Variants in SEL1L3 observed in about 807,000 individuals in gnomAD.
SEL1L3 encodes SEL1L family member 3.
A neutral mutation model predicts 142.8 loss-of-function variants in SEL1L3; 76 were observed. The ratio of observed to expected loss-of-function variants is 0.53; its 90% CI spans 0.44 to 0.64. The LOEUF (loss-of-function observed/expected upper bound fraction) is 0.64, where lower values mean the gene tolerates loss of function less well. Among genes scored for constraint, SEL1L3 ranks in the 30% least tolerant of loss-of-function variants. The pLI is 0.00. For missense variants in SEL1L3, 1,262 were observed against 1,381.7 expected, an observed-to-expected ratio of 0.91 and a Z score of 1.37; for synonymous variants, 504 against 519.6, an observed-to-expected ratio of 0.97 and a Z score of 0.41.
At chr4:25,786,668 C>T (rs1711862514) in intron 13 of SEL1L3, among the ~76,000 whole-genome samples, 2 of 152,224 alleles carry the variant, frequency 1.3e-5, no homozygotes, top group Admixed American at 1.3e-4. Flanking sequence ...ATGGACGTGA[C>T]TCATGCATCC....
intron 23 of SEL1L3, among the ~76,000 whole-genome samples, chr4:25,748,795 C>T (rs1056599880): frequency 5.9e-5 from 9 of 152,134 alleles, no homozygotes; most frequent in Admixed American, 1.3e-4. Flanking sequence ...CTCCAAGTGC[C>T]GATGCTCATT....
chr4:25,726,822 G>A, the SEL1L3 span, among the ~76,000 whole-genome samples: 3 of 152,128 alleles, frequency 2.0e-5, no homozygotes, highest in Non-Finnish European at 4.4e-5. Context: ...CTTGTGAGAC[G>A]TGCTACAACA....
chr4:25,850,920 G>A (rs1251375232), intron 1 of SEL1L3, among the ~76,000 whole-genome samples: 3 of 151,234 alleles, frequency 2.0e-5, no homozygotes, highest in Non-Finnish European at 4.4e-5. Context: ...ACGCAATCTC[G>A]GCTCACTGCA....
intron 16 of SEL1L3, chr4:25,778,012 G>T: frequency 2.9e-6 from 1 of 344,540 alleles, no homozygotes; most frequent in South Asian, 2.3e-5. Flanking sequence ...TTAGCTCTTG[G>T]AGCCATACAA....
Position 25,782,380 on chromosome 4 carries a change from G to A in SEL1L3, c.2319C>T (p.Tyr773=). Reference sequence around the variant, plus strand: ...TGGCGTAATTTTTCTTGAATTTGTGGTAATACCATCCCAGGCCATTGACTG... The same window carrying A: ...TGGCGTAATTTTTCTTGAATTTGTGATAATACCATCCCAGGCCATTGACTG... The part of the protein sequence containing the change: ...HQAVNGLGWY[Y]HKFKKNYAKA... Residue 773 remains tyrosine, a synonymous_variant, in exon 15 of 24, where the codon TAC becomes TAT. Transcript: ENST00000399878. 8.1e-6 allele frequency: 13 copies of A among 1,613,790 alleles called. No homozygotes were observed. Among genetic ancestry groups the A allele is most frequent in the Non-Finnish European group, 1.1e-5 (13 of 1,179,772 alleles).
At chr4:25,800,134 A>G (rs1713076491) in intron 11 of SEL1L3, among the ~76,000 whole-genome samples, 1 of 152,214 alleles carries the variant, frequency 6.6e-6, no homozygotes, top group South Asian at 2.1e-4. Context: ...CGCAAAAGAG[A>G]GAATGAAACA....
chr4:25,798,115 G>C (rs1712911251), intron 11 of SEL1L3, among the ~76,000 whole-genome samples: 2 of 152,154 alleles, frequency 1.3e-5, no homozygotes, highest in South Asian at 4.2e-4. Context: ...GAGGTAGCAA[G>C]GAACCAGATC....
intron 11 of SEL1L3, among the ~76,000 whole-genome samples, chr4:25,791,341 A>G (rs1243387464): frequency 6.6e-6 from 1 of 152,236 alleles, no homozygotes; most frequent in Non-Finnish European, 1.5e-5. Flanking sequence ...GAAGAACCCA[A>G]AGGGAAAGTT....
In SEL1L3 at chr4:25,757,806, A is replaced by G. The variant is rs771281623; in HGVS notation, c.3084-16T>C. The stretch of plus-strand genomic sequence containing the variant: ...GCTCCAGCACCTGCAGACAAAGCCC[A>G]GGGCATCTTGACGTGTCAGCCAACT... On this transcript the variant is annotated splice_polypyrimidine_tract_variant and intron_variant, in intron 21 of 23. Transcript: ENST00000399878. 7 of 1,557,794 alleles carry G rather than the reference A, an allele frequency of 4.5e-6. No homozygotes were observed. The East Asian group carries it at 1.4e-4, about 32-fold the overall frequency.
chr4:25,852,394 C>A (rs1279129308), intron 1 of SEL1L3, among the ~76,000 whole-genome samples: 1 of 152,216 alleles, frequency 6.6e-6, no homozygotes, highest in East Asian at 1.9e-4. Context: ...CTAAATTCTG[C>A]TTCCACATGA....
chr4:25,830,197 C>A, intron 5 of SEL1L3, 41 bp from the exon 6 acceptor site: 1 of 1,261,990 alleles, frequency 7.9e-7, no homozygotes, highest in Non-Finnish European at 1.2e-6. Flanking sequence ...TATGCCTCAT[C>A]ACCCTACATT....
the SEL1L3 span, among the ~76,000 whole-genome samples, chr4:25,727,722 T>C: frequency 6.6e-6 from 1 of 152,146 alleles, no homozygotes; most frequent in African/African-American, 2.4e-5. Context: ...GGACAGGGGC[T>C]TCACAAACCA....
chr4:25,798,490 C>G (rs576757083), intron 11 of SEL1L3, among the ~76,000 whole-genome samples: 1 of 152,230 alleles, frequency 6.6e-6, no homozygotes, highest in South Asian at 2.1e-4. Flanking sequence ...CAGTGGTGAA[C>G]TTGGCCTGAG....
At chr4:25,726,806 T>G in the SEL1L3 span, among the ~76,000 whole-genome samples, 1 of 152,178 alleles carries the variant, frequency 6.6e-6, no homozygotes, top group African/African-American at 2.4e-5. Flanking sequence ...GTGATTCTGT[T>G]ATTCGCTTGT....
intron 9 of SEL1L3, 120 bp downstream of exon 9, chr4:25,818,018 C>T (rs1714503078): frequency 1.3e-5 from 14 of 1,063,374 alleles, no homozygotes; most frequent in Non-Finnish European, 1.9e-5. Context: ...TGAAATTAAA[C>T]TAAAACACTA....
Position 25,824,808 on chromosome 4 carries a change from T to A in SEL1L3, c.1158-2680A>T, listed in dbSNP as rs114596688. On this transcript the variant is annotated intron_variant, in intron 6 of 23. Transcript: ENST00000399878. ...AAAACATGAGTGGGGAAGAAAGAGCTCTTCTTTCTATAAAAACTAAGTTGA... is the reference window on the plus strand; with the variant it reads ...AAAACATGAGTGGGGAAGAAAGAGCACTTCTTTCTATAAAAACTAAGTTGA... Among the ~76,000 whole-genome samples, 278 of 152,330 alleles carry A rather than the reference T, an allele frequency of 1.8e-3. 2 individuals are homozygous for A. Among genetic ancestry groups the A allele is most frequent in the African/African-American group, 6.3e-3 (261 of 41,584 alleles).
chr4:25,850,664 G>C (rs780736064), intron 1 of SEL1L3, among the ~76,000 whole-genome samples: 3 of 152,202 alleles, frequency 2.0e-5, no homozygotes. Flanking sequence ...GCAATTGCAG[G>C]AGATAGGGAA....
intron 3 of SEL1L3, among the ~76,000 whole-genome samples, chr4:25,834,479 C>T (rs544928267): frequency 2.6e-4 from 39 of 152,296 alleles, no homozygotes; most frequent in African/African-American, 8.2e-4. Context: ...GACAGTGGCC[C>T]CAGGTTCTTT....
chr4:25,823,119 G>A (rs981138514), intron 6 of SEL1L3, among the ~76,000 whole-genome samples: 5 of 152,194 alleles, frequency 3.3e-5, no homozygotes, highest in Non-Finnish European at 7.3e-5. Context: ...GTGGTGGGGG[G>A]TTGGGATGAA....
Sources: allele counts gnomAD v4.1 joint callset (sites outside exome capture counted in the v4.1 genomes callset), GRCh38; gene constraint gnomAD v4.1.1; transcripts MANE v1.5; gene names NCBI Gene and HGNC (gene_info 2026-07-23, HGNC 2026-07-21).